The following ARMH4 variants were observed in gnomAD, a reference collection of about 807,000 sequenced individuals.
ARMH4 encodes the protein armadillo-like helical domain-containing protein 4.
ARMH4 carries 49 observed loss-of-function variants against 61.9 expected under a neutral mutation model. The observed-to-expected ratio is 0.79, with a 90% CI of 0.63 to 1.00. The LOEUF (loss-of-function observed/expected upper bound fraction) is 1.00. ARMH4 is among the 50% of genes least tolerant of loss of function. ARMH4 has a pLI of 0.00. For missense variants in ARMH4, 934 were observed against 930.0 expected (o/e 1.00, Z -0.06); for synonymous variants, 368 against 341.5 (o/e 1.08, Z -0.85).
chr14:58,092,707 T>C (rs1885612688), intron 5 of ARMH4, among the ~76,000 whole-genome samples: 1 of 152,146 alleles, frequency 6.6e-6, no homozygotes, highest in African/African-American at 2.4e-5. Context: ...TCACATCTTC[T>C]TCTCTAACTC....
chr14:58,077,799 T>G (rs558325239), intron 5 of ARMH4, among the ~76,000 whole-genome samples: 17 of 152,348 alleles, frequency 1.1e-4, no homozygotes, highest in African/African-American at 3.6e-4. Context: ...ACTCCACTGC[T>G]CCCACACATC....
chr14:58,111,222 A>G (rs1162979537), intron 4 of ARMH4, among the ~76,000 whole-genome samples: 7 of 152,212 alleles, frequency 4.6e-5, no homozygotes, highest in Non-Finnish European at 1.0e-4. Flanking sequence ...AATACAATAC[A>G]TAAGAAGGAT....
chr14:58,024,467 G>A (rs1377035496), intron 5 of ARMH4, among the ~76,000 whole-genome samples: 2 of 152,134 alleles, frequency 1.3e-5, no homozygotes, highest in Non-Finnish European at 2.9e-5. Context: ...TTAAGGGAAT[G>A]TTGTGGCTGA....
chr14:58,118,032 G>T (rs951124510), intron 4 of ARMH4, among the ~76,000 whole-genome samples: 7 of 152,110 alleles, frequency 4.6e-5, no homozygotes, highest in African/African-American at 1.7e-4. Context: ...CCAAAGTGCT[G>T]GGAGAGAGCC....
chr14:58,075,955 C>A (rs1041407423), intron 5 of ARMH4, among the ~76,000 whole-genome samples: 3 of 151,260 alleles, frequency 2.0e-5, no homozygotes, highest in African/African-American at 7.3e-5. Context: ...ACCATTATAA[C>A]CAATACCTGG....
intron 5 of ARMH4, among the ~76,000 whole-genome samples, chr14:58,079,671 G>A (rs1885157331): frequency 6.6e-6 from 1 of 152,166 alleles, no homozygotes; most frequent in African/African-American, 2.4e-5. Flanking sequence ...TGTAAAAGTA[G>A]GTATTCAATA....
At chr14:58,123,803 A>G (rs1344442136) in intron 4 of ARMH4, among the ~76,000 whole-genome samples, 1 of 152,170 alleles carries the variant, frequency 6.6e-6, no homozygotes, top group Non-Finnish European at 1.5e-5. Flanking sequence ...ACTTGAGCCA[A>G]TTCTCATACC....
At chr14:58,107,198 G>C (rs1264140218) in intron 4 of ARMH4, among the ~76,000 whole-genome samples, 1 of 152,128 alleles carries the variant, frequency 6.6e-6, no homozygotes, top group Non-Finnish European at 1.5e-5. Context: ...TGTTACTAAT[G>C]CATCAAAGAT....
chr14:58,074,524 A>T (rs976978185), intron 5 of ARMH4, among the ~76,000 whole-genome samples: 2 of 151,926 alleles, frequency 1.3e-5, no homozygotes, highest in African/African-American at 4.8e-5. Context: ...GACAATCAAC[A>T]AAACAGTAAA....
At chr14:58,096,593 A>G (rs1413877521) in intron 5 of ARMH4, 131 bp downstream of exon 5, 3 of 995,082 alleles carry the variant, frequency 3.0e-6, no homozygotes, top group Non-Finnish European at 4.3e-6. Context: ...CCACCCATAA[A>G]TGTAGAAACC....
In ARMH4 at chr14:58,148,691, GA is replaced by G. The variant is rs1887826731; in HGVS notation, c.-57+3383del. Among the ~76,000 whole-genome samples the G allele has an allele frequency of 3.3e-5, 5 of 152,214 alleles. 1 individual carries two copies. Among genetic ancestry groups the G allele is most frequent in the Admixed American group, 6.5e-5 (1 of 15,290 alleles). ...TTCAAGTCCTTATTTTGTACTGTAA[GA>G]TTTTTTTAATGACATTTCATGGTCT... On this transcript the variant is annotated intron_variant, in intron 1 of 7. Transcript: ENST00000267485.
chr14:58,058,673 G>C (rs1268669976), intron 5 of ARMH4, among the ~76,000 whole-genome samples: 1 of 152,216 alleles, frequency 6.6e-6, no homozygotes, highest in Non-Finnish European at 1.5e-5. Context: ...AGGACAATCA[G>C]AGGTCACGTT....
At chr14:58,030,290 C>G (rs1335627487) in intron 5 of ARMH4, among the ~76,000 whole-genome samples, 1 of 152,162 alleles carries the variant, frequency 6.6e-6, no homozygotes, top group African/African-American at 2.4e-5. Flanking sequence ...GCATTACAGG[C>G]AGGCCAGCCA....
intron 5 of ARMH4, among the ~76,000 whole-genome samples, chr14:58,038,534 C>A: frequency 9.1e-6 from 1 of 110,296 alleles, no homozygotes. Context: ...CACATGTACC[C>A]TAAAATTTAA....
chr14:58,142,264 A>G (rs1692798673), intron 1 of ARMH4, among the ~76,000 whole-genome samples: 1 of 152,168 alleles, frequency 6.6e-6, no homozygotes, highest in Non-Finnish European at 1.5e-5. Flanking sequence ...TGATGTGCAC[A>G]TGTGAAATTT....
intron 6 of ARMH4, among the ~76,000 whole-genome samples, chr14:58,006,966 T>TTA (rs1882201340): frequency 6.6e-6 from 1 of 152,126 alleles, no homozygotes; most frequent in African/African-American, 2.4e-5. Context: ...AGCCCAAACT[T>TTA]TTTCTAAAGT....
chr14:58,083,986 T>C (rs1196686485), intron 5 of ARMH4, among the ~76,000 whole-genome samples: 1 of 152,236 alleles, frequency 6.6e-6, no homozygotes, highest in African/African-American at 2.4e-5. Flanking sequence ...AAAAATTATC[T>C]TTTAACAAGT....
intron 5 of ARMH4, among the ~76,000 whole-genome samples, chr14:58,087,570 CA>C (rs1411124828): frequency 6.6e-6 from 1 of 152,156 alleles, no homozygotes; most frequent in African/African-American, 2.4e-5. Context: ...AGGGAATTTG[CA>C]GTGTTCCACA....
At chr14:58,053,828 G>A (rs1419716240) in intron 5 of ARMH4, among the ~76,000 whole-genome samples, 1 of 152,152 alleles carries the variant, frequency 6.6e-6, no homozygotes, top group African/African-American at 2.4e-5. Flanking sequence ...ATGTGCTACA[G>A]GTCACGTCAG....
Sources: gnomAD v4.1 joint callset for allele counts (sites outside exome capture counted in the v4.1 genomes callset) on GRCh38, gnomAD v4.1.1 for gene constraint, MANE v1.5 for transcripts, NCBI Gene and HGNC (gene_info 2026-07-23, HGNC 2026-07-21) for gene names.